Variants in GRID1 observed in about 807,000 individuals in gnomAD.
GRID1 encodes the protein glutamate ionotropic receptor delta type subunit 1, also known as glutamate receptor ionotropic, delta-1.
GRID1 carries 28 observed loss-of-function variants against 98.0 expected under a neutral mutation model. The ratio of observed to expected loss-of-function variants is 0.29; its 90% CI spans 0.21 to 0.39. The LOEUF is 0.39. Ranked by LOEUF, GRID1 falls within the 10% of genes least tolerant of loss-of-function variation. The pLI is 1.00. For missense variants in GRID1, 1,111 were observed against 1,340.5 expected (o/e 0.83, Z 2.67); for synonymous variants, 553 against 538.5 (o/e 1.03, Z -0.37).
intron 8 of GRID1, among the ~76,000 whole-genome samples, chr10:85,825,636 A>C (rs189168832): frequency 6.6e-6 from 1 of 152,330 alleles, no homozygotes; most frequent in East Asian, 1.9e-4. Context: ...TGTATTAGTT[A>C]ATCTCTAGGG....
intron 2 of GRID1, among the ~76,000 whole-genome samples, chr10:86,345,914 G>C (rs573219519): frequency 6.6e-6 from 1 of 152,284 alleles, no homozygotes; most frequent in African/African-American, 2.4e-5. Flanking sequence ...GCCACTGCCT[G>C]GAGTGCCTGC....
At position 85,790,542 on chromosome 10, in the gene GRID1, G is replaced by C. The variant is rs557949344; in HGVS notation, c.1234-60928C>G. ...AAGGTCCTGTCTGGGCAGAGGGAGTGGGGGGAAGGGTGTGGAGTTCAGGCC... is the reference window on the plus strand; with the variant it reads ...AAGGTCCTGTCTGGGCAGAGGGAGTCGGGGGAAGGGTGTGGAGTTCAGGCC... On this transcript the variant is annotated intron_variant, in intron 8 of 15. Transcript: ENST00000327946. 6.6e-5 allele frequency among the ~76,000 whole-genome samples: 10 copies of C among 152,304 alleles called. No homozygotes were observed. In the South Asian group the frequency reaches 1.0e-3, roughly 16 times the overall value.
At chr10:85,667,585 G>A (rs530558835) in intron 12 of GRID1, among the ~76,000 whole-genome samples, 20 of 152,168 alleles carry the variant, frequency 1.3e-4, no homozygotes, top group East Asian at 1.9e-4. Flanking sequence ...ATTCAATATC[G>A]GATCCAGCAT....
chr10:86,295,831 T>C (rs1258956677), intron 2 of GRID1, among the ~76,000 whole-genome samples: 1 of 152,118 alleles, frequency 6.6e-6, no homozygotes, highest in Admixed American at 6.5e-5. Context: ...ACACCAATGA[T>C]GGGTAAACTT....
At chr10:86,064,215 C>G (rs1843688124) in intron 4 of GRID1, among the ~76,000 whole-genome samples, 1 of 152,180 alleles carries the variant, frequency 6.6e-6, no homozygotes, top group Non-Finnish European at 1.5e-5. Context: ...AAACATTTTT[C>G]CCATTTTATA....
chr10:85,791,215 AC>A (rs1205629003), intron 8 of GRID1, among the ~76,000 whole-genome samples: 3 of 152,196 alleles, frequency 2.0e-5, no homozygotes, highest in African/African-American at 7.2e-5. Context: ...CCCAAATCCA[AC>A]AGGAGGCCAA....
chr10:85,870,246 G>A (rs190407919), intron 5 of GRID1, among the ~76,000 whole-genome samples: 65 of 152,306 alleles, frequency 4.3e-4, no homozygotes, highest in African/African-American at 1.4e-3. Flanking sequence ...TCTTTCTCCC[G>A]TGCTGGATGC....
At chr10:86,043,154 C>T (rs1843371752) in intron 4 of GRID1, among the ~76,000 whole-genome samples, 1 of 152,136 alleles carries the variant, frequency 6.6e-6, no homozygotes, top group African/African-American at 2.4e-5. Context: ...TTCGTACACA[C>T]AAAGATATAC....
chr10:86,137,133 T>C (rs143032446), intron 4 of GRID1, among the ~76,000 whole-genome samples: 1 of 152,212 alleles, frequency 6.6e-6, no homozygotes, highest in African/African-American at 2.4e-5. Flanking sequence ...TAGGCCAGTC[T>C]TAGTTATGTG....
chr10:85,949,793 G>C (rs761569708), intron 4 of GRID1, among the ~76,000 whole-genome samples: 3 of 152,170 alleles, frequency 2.0e-5, no homozygotes, highest in Non-Finnish European at 4.4e-5. Context: ...AATAAAATTA[G>C]CAAAAATGTC....
chr10:85,984,248 C>T (rs1035981528), intron 4 of GRID1, among the ~76,000 whole-genome samples: 1 of 152,130 alleles, frequency 6.6e-6, no homozygotes, highest in Non-Finnish European at 1.5e-5. Context: ...CTGGGGGCCT[C>T]AGTAAAGACC....
chr10:85,928,960 T>C (rs1841812769), intron 4 of GRID1, among the ~76,000 whole-genome samples: 1 of 152,224 alleles, frequency 6.6e-6, no homozygotes, highest in African/African-American at 2.4e-5. Context: ...ACCTAGTTCT[T>C]GCTTTTCCTC....
chr10:86,197,539 G>C (rs1436087535), intron 3 of GRID1, among the ~76,000 whole-genome samples: 1 of 152,038 alleles, frequency 6.6e-6, no homozygotes, highest in Non-Finnish European at 1.5e-5. Flanking sequence ...TGGCAGGAGG[G>C]GGATATCAAC....
chr10:85,996,059 C>G (rs1022507400), intron 4 of GRID1, among the ~76,000 whole-genome samples: 3 of 152,316 alleles, frequency 2.0e-5, no homozygotes, highest in African/African-American at 7.2e-5. Flanking sequence ...GGTAACAGCC[C>G]ACAGGCAACA....
At chr10:86,000,779 G>A (rs1842793627) in intron 4 of GRID1, among the ~76,000 whole-genome samples, 1 of 152,042 alleles carries the variant, frequency 6.6e-6, no homozygotes, top group African/African-American at 2.4e-5. Flanking sequence ...AACTCAAAAT[G>A]GACCGTCATT....
At chr10:86,342,730 C>T (rs1046360749) in intron 2 of GRID1, among the ~76,000 whole-genome samples, 1 of 152,230 alleles carries the variant, frequency 6.6e-6, no homozygotes, top group African/African-American at 2.4e-5. Flanking sequence ...CGAGCTACCC[C>T]CTCCATGGCA....
chr10:86,228,456 C>T (rs11818667), intron 2 of GRID1, among the ~76,000 whole-genome samples: 1 of 152,158 alleles, frequency 6.6e-6, no homozygotes, highest in South Asian at 2.1e-4. Flanking sequence ...ATTGGAGCAG[C>T]TGGAAATAGC....
intron 3 of GRID1, among the ~76,000 whole-genome samples, chr10:86,145,036 A>G (rs2131976279): frequency 6.6e-6 from 1 of 152,326 alleles, no homozygotes; most frequent in Admixed American, 6.5e-5. Flanking sequence ...TCTTGAGATC[A>G]TATCTGCTCA....
chr10:86,164,485 C>T (rs1436571860), intron 3 of GRID1, among the ~76,000 whole-genome samples: 1 of 152,218 alleles, frequency 6.6e-6, no homozygotes, highest in Non-Finnish European at 1.5e-5. Flanking sequence ...TTCCAGGCAG[C>T]CTGCTGAGCA....
Sources: allele counts gnomAD v4.1 joint callset (sites outside exome capture counted in the v4.1 genomes callset), GRCh38; gene constraint gnomAD v4.1.1; transcripts MANE v1.5; gene names NCBI Gene and HGNC (gene_info 2026-07-23, HGNC 2026-07-21).